Variants in ASTN2 observed in about 807,000 individuals in gnomAD.
ASTN2 encodes astrotactin-2.
ASTN2 carries 54 observed loss-of-function variants against 139.8 expected under a neutral mutation model. The ratio of observed to expected loss-of-function variants is 0.39; its 90% CI spans 0.31 to 0.48. ASTN2 has a LOEUF of 0.48. ASTN2 is among the 20% of genes least tolerant of loss of function. The pLI, the probability that ASTN2 is intolerant of heterozygous loss-of-function variation, is 0.95. For missense variants in ASTN2, 1,565 were observed against 1,725.1 expected, an observed-to-expected ratio of 0.91 and a Z score of 1.64; for synonymous variants, 756 against 719.5, an observed-to-expected ratio of 1.05 and a Z score of -0.81.
At position 117,228,733 on chromosome 9, in the gene ASTN2, G is replaced by C. The variant is rs542958647; in HGVS notation, c.631-13991C>G. 2.8e-4 allele frequency among the ~76,000 whole-genome samples: 43 copies of C among 152,220 alleles called. No homozygotes were observed. The South Asian group carries it at 8.9e-3, about 32-fold the overall frequency. ...TGAGTATTTAAAGACGTGGAGTTCA[G>C]GCCAGTCTTGGTGGCTCATGCCTGT... On this transcript the variant is annotated intron_variant, in intron 2 of 22. Coordinates refer to ENST00000313400, the MANE Select transcript of ASTN2 (RefSeq NM_001365068.1).
At chr9:117,242,424 C>G (rs147205855) in intron 2 of ASTN2, among the ~76,000 whole-genome samples, 1 of 152,034 alleles carries the variant, frequency 6.6e-6, no homozygotes, top group South Asian at 2.1e-4. Context: ...AAAGTCGGGA[C>G]GAGTCTGGAA....
At chr9:117,229,337 G>A (rs1832817362) in intron 2 of ASTN2, among the ~76,000 whole-genome samples, 1 of 152,160 alleles carries the variant, frequency 6.6e-6, no homozygotes, top group Non-Finnish European at 1.5e-5. Flanking sequence ...CCCCAAGGTG[G>A]ATCTCCAAGT....
intron 10 of ASTN2, among the ~76,000 whole-genome samples, chr9:116,956,099 T>TC (rs1835699479): frequency 6.8e-6 from 1 of 146,566 alleles, no homozygotes; most frequent in Non-Finnish European, 1.5e-5. Context: ...CTTTTCTTTT[T>TC]TTTTTTTTTT....
At chr9:116,915,682 C>A (rs1216296118) in intron 10 of ASTN2, among the ~76,000 whole-genome samples, 5 of 152,166 alleles carry the variant, frequency 3.3e-5, no homozygotes, top group African/African-American at 7.2e-5. Flanking sequence ...GTGGATGCAT[C>A]CATGTGCCTG....
intron 16 of ASTN2, among the ~76,000 whole-genome samples, chr9:116,661,417 C>A (rs1378015394): frequency 6.6e-6 from 1 of 152,104 alleles, no homozygotes; most frequent in African/African-American, 2.4e-5. Context: ...TAAAAGAATT[C>A]TGAAAGAGCA....
At chr9:116,454,158 G>A (rs557550994) in intron 20 of ASTN2, among the ~76,000 whole-genome samples, 6 of 152,294 alleles carry the variant, frequency 3.9e-5, no homozygotes, top group African/African-American at 1.2e-4. Context: ...ATAAGGTGGT[G>A]TTATCATTAT....
At position 116,560,909 on chromosome 9, in the gene ASTN2, A is replaced by C. The variant is rs1306437797; in HGVS notation, c.3355+57415T>G. Among the ~76,000 whole-genome samples, 3 of 152,222 alleles carry C rather than the reference A, an allele frequency of 2.0e-5. No homozygotes were observed. The East Asian group carries it at 5.8e-4, about 29-fold the overall frequency. ...TAAAGTTATTTAAACTACACATCAA[A>C]ACTGGTATTTGGCAAAGCAGCCAGG... On this transcript the variant is annotated intron_variant, in intron 19 of 22. Coordinates refer to ENST00000313400, the MANE Select transcript of ASTN2 (RefSeq NM_001365068.1).
chr9:117,317,835 C>A (rs1828195958), intron 1 of ASTN2, among the ~76,000 whole-genome samples: 1 of 152,172 alleles, frequency 6.6e-6, no homozygotes, highest in South Asian at 2.1e-4. Context: ...AGTGCACTGG[C>A]AGGTCCCTGA....
intron 3 of ASTN2, among the ~76,000 whole-genome samples, chr9:117,163,650 C>G (rs1334084): frequency 1.3e-5 from 2 of 152,076 alleles, no homozygotes; most frequent in Non-Finnish European, 2.9e-5. Context: ...TGACTTGAGT[C>G]TACATCTCCC....
At chr9:117,245,244 C>A (rs530742071) in intron 2 of ASTN2, among the ~76,000 whole-genome samples, 1 of 152,288 alleles carries the variant, frequency 6.6e-6, no homozygotes, top group East Asian at 1.9e-4. Flanking sequence ...ACGATTGTAA[C>A]CAATTAATCC....
At chr9:117,079,356 GA>G (rs1431028872) in intron 5 of ASTN2, among the ~76,000 whole-genome samples, 11 of 152,122 alleles carry the variant, frequency 7.2e-5, no homozygotes, top group African/African-American at 2.7e-4. Context: ...ACCCTGTCGA[GA>G]GAGAGTGAGA....
chr9:117,333,469 T>C (rs1828781268), intron 1 of ASTN2, among the ~76,000 whole-genome samples: 1 of 152,134 alleles, frequency 6.6e-6, no homozygotes. Flanking sequence ...TCTAAAATGA[T>C]CTAGCCATCT....
At chr9:117,011,303 G>A (rs1451449204) in intron 6 of ASTN2, among the ~76,000 whole-genome samples, 1 of 152,200 alleles carries the variant, frequency 6.6e-6, no homozygotes, top group African/African-American at 2.4e-5. Flanking sequence ...ATATTTGGAA[G>A]TGGAGTCTTT....
intron 13 of ASTN2, among the ~76,000 whole-genome samples, chr9:116,737,184 C>G (rs558098930): frequency 1.3e-5 from 2 of 152,326 alleles, no homozygotes; most frequent in East Asian, 1.9e-4. Context: ...TACTGGGTCC[C>G]TTTGCGACCG....
At chr9:117,244,408 A>G (rs1048520018) in intron 2 of ASTN2, among the ~76,000 whole-genome samples, 1 of 151,910 alleles carries the variant, frequency 6.6e-6, no homozygotes, top group African/African-American at 2.4e-5. Flanking sequence ...CTTATTATCG[A>G]TTTATTTTTC....
At chr9:116,785,415 A>G (rs1830344077) in intron 13 of ASTN2, among the ~76,000 whole-genome samples, 1 of 152,174 alleles carries the variant, frequency 6.6e-6, no homozygotes, top group Non-Finnish European at 1.5e-5. Flanking sequence ...TGACATCACC[A>G]TAAGAATATA....
chr9:117,040,292 C>T (rs1178627456), intron 5 of ASTN2, among the ~76,000 whole-genome samples: 1 of 152,142 alleles, frequency 6.6e-6, no homozygotes, highest in Non-Finnish European at 1.5e-5. Flanking sequence ...TGATATTAAG[C>T]CCTCCATTCT....
At chr9:116,940,710 A>G (rs1835201953) in intron 10 of ASTN2, among the ~76,000 whole-genome samples, 1 of 152,168 alleles carries the variant, frequency 6.6e-6, no homozygotes, top group Non-Finnish European at 1.5e-5. Context: ...ATTTTAAAAT[A>G]AATTTAGTGT....
chr9:116,987,941 T>C (rs1448761700), intron 7 of ASTN2, among the ~76,000 whole-genome samples: 3 of 152,198 alleles, frequency 2.0e-5, no homozygotes, highest in African/African-American at 7.2e-5. Context: ...AAGGGAATGA[T>C]TCATATCCTG....
Sources: allele counts gnomAD v4.1 joint callset (sites outside exome capture counted in the v4.1 genomes callset), GRCh38; gene constraint gnomAD v4.1.1; transcripts MANE v1.5; gene names NCBI Gene and HGNC (gene_info 2026-07-23, HGNC 2026-07-21).